BMERB1: variants seen among roughly 807,000 people sequenced by gnomAD.
BMERB1 encodes the protein bMERB domain-containing protein 1.
In BMERB1, 12 loss-of-function variants were observed where a neutral mutation model predicts 23.6. The observed-to-expected ratio is 0.51, with a 90% CI of 0.33 to 0.82. The LOEUF is 0.82. BMERB1 is among the 40% of genes least tolerant of loss of function. The pLI is 0.03. For missense variants in BMERB1, 247 were observed against 255.4 expected (o/e 0.97, Z 0.22); for synonymous variants, 122 against 96.6 (o/e 1.26, Z -1.54).
chr16:15,446,324 G>A (rs905272446), intron 1 of BMERB1, among the ~76,000 whole-genome samples: 3 of 152,166 alleles, frequency 2.0e-5, no homozygotes, highest in African/African-American at 7.2e-5. Context: ...GAGCCCAGGA[G>A]TTTGAGGCTG....
At chr16:15,469,036 C>T (rs1166641938) in intron 1 of BMERB1, among the ~76,000 whole-genome samples, 1 of 149,400 alleles carries the variant, frequency 6.7e-6, no homozygotes, top group East Asian at 2.0e-4. Flanking sequence ...GGTGCAGTCA[C>T]AGCTCACTGC....
intron 1 of BMERB1, among the ~76,000 whole-genome samples, chr16:15,459,731 A>C (rs550761717): frequency 5.3e-5 from 8 of 152,014 alleles, no homozygotes. Context: ...CCTCCTGTCC[A>C]CTCCATTCTA....
At chr16:15,558,926 G>T (rs995426858) in intron 2 of BMERB1, among the ~76,000 whole-genome samples, 5 of 151,360 alleles carry the variant, frequency 3.3e-5, no homozygotes, top group African/African-American at 1.2e-4. Context: ...CTTCCCAGAA[G>T]CCTGCCCAAG....
intron 1 of BMERB1, among the ~76,000 whole-genome samples, chr16:15,477,807 C>T (rs906335187): frequency 3.3e-5 from 5 of 151,030 alleles, no homozygotes; most frequent in Non-Finnish European, 4.4e-5. Flanking sequence ...AATAAGAAAA[C>T]TCAGGCTGCT....
At chr16:15,570,248 A>C (rs1339349174) in intron 3 of BMERB1, among the ~76,000 whole-genome samples, 2 of 152,188 alleles carry the variant, frequency 1.3e-5, no homozygotes, top group Non-Finnish European at 2.9e-5. Flanking sequence ...TGATGAACAG[A>C]GAACGGTTCT....
chr16:15,531,847 G>A (rs1171353103), intron 2 of BMERB1, among the ~76,000 whole-genome samples: 1 of 152,106 alleles, frequency 6.6e-6, no homozygotes, highest in African/African-American at 2.4e-5. Context: ...ATAATGCTTG[G>A]CTGAGCCTCC....
chr16:15,509,137 C>T (rs900694828), intron 1 of BMERB1, among the ~76,000 whole-genome samples: 3 of 152,038 alleles, frequency 2.0e-5, no homozygotes, highest in Admixed American at 6.6e-5. Context: ...TCCCACGCCT[C>T]GCCCCAGGGT....
intron 1 of BMERB1, among the ~76,000 whole-genome samples, chr16:15,483,972 C>G (rs1403747763): frequency 6.6e-6 from 1 of 152,174 alleles, no homozygotes; most frequent in Non-Finnish European, 1.5e-5. Flanking sequence ...GTGCCAGCAT[C>G]TGATTCTGGT....
chr16:15,573,611 C>G (rs1414048633), intron 3 of BMERB1, among the ~76,000 whole-genome samples: 1 of 152,104 alleles, frequency 6.6e-6, no homozygotes, highest in East Asian at 1.9e-4. Flanking sequence ...CAAAATACCT[C>G]AAGCATTGAT....
chr16:15,471,167 A>G (rs909547417), intron 1 of BMERB1, among the ~76,000 whole-genome samples: 1 of 152,072 alleles, frequency 6.6e-6, no homozygotes, highest in Non-Finnish European at 1.5e-5. Flanking sequence ...TCCACAAAAG[A>G]TTGTGTAAAA....
intron 3 of BMERB1, among the ~76,000 whole-genome samples, chr16:15,574,518 G>C (rs1304316280): frequency 6.6e-6 from 1 of 152,046 alleles, no homozygotes; most frequent in African/African-American, 2.4e-5. Context: ...TTGGAGGTTA[G>C]AAGCAAGATG....
chr16:15,487,833 C>T (rs549791255), intron 1 of BMERB1, among the ~76,000 whole-genome samples: 60 of 152,252 alleles, frequency 3.9e-4, no homozygotes, highest in African/African-American at 8.7e-4. Flanking sequence ...ACAGTCCTGG[C>T]GCTGGTGGGC....
At chr16:15,491,077 T>A (rs1028682922) in intron 1 of BMERB1, among the ~76,000 whole-genome samples, 1 of 152,184 alleles carries the variant, frequency 6.6e-6, no homozygotes, top group East Asian at 1.9e-4. Flanking sequence ...CTCGAACTCC[T>A]GAGCTCAAGT....
At chr16:15,438,951 A>G (rs917319663) in intron 1 of BMERB1, among the ~76,000 whole-genome samples, 5 of 152,204 alleles carry the variant, frequency 3.3e-5, no homozygotes, top group African/African-American at 1.2e-4. Context: ...TAACACATGA[A>G]ATGCTGGAGA....
intron 1 of BMERB1, among the ~76,000 whole-genome samples, chr16:15,485,244 A>G (rs924489826): frequency 1.3e-5 from 2 of 152,072 alleles, no homozygotes; most frequent in Non-Finnish European, 2.9e-5. Context: ...CATTCCTCCA[A>G]ATTGCATTCA....
chr16:15,531,622 C>A (rs2051968264), intron 2 of BMERB1, among the ~76,000 whole-genome samples: 2 of 152,148 alleles, frequency 1.3e-5, no homozygotes, highest in African/African-American at 4.8e-5. Context: ...ATAGCTTCAT[C>A]CTGTGCCGGG....
At chr16:15,458,003 C>T (rs758191780) in intron 1 of BMERB1, among the ~76,000 whole-genome samples, 5 of 152,170 alleles carry the variant, frequency 3.3e-5, no homozygotes, top group East Asian at 3.8e-4. Flanking sequence ...CTCACTATCA[C>T]GAGAACAGCA....
At chr16:15,576,444 C>G (rs1293741545) in intron 3 of BMERB1, among the ~76,000 whole-genome samples, 1 of 152,108 alleles carries the variant, frequency 6.6e-6, no homozygotes, top group Non-Finnish European at 1.5e-5. Context: ...CACAATTCTC[C>G]AAGGATTAGT....
intron 2 of BMERB1, among the ~76,000 whole-genome samples, chr16:15,524,128 C>CATTTCAGCCACATTCAGG (rs1301468174): frequency 6.6e-6 from 1 of 152,188 alleles, no homozygotes; most frequent in Non-Finnish European, 1.5e-5. Flanking sequence ...TAACTTGACA[C>CATTTCAGCCACATTCAGG]ATTTCAGCCA....
Sources: gnomAD v4.1 joint callset for allele counts (sites outside exome capture counted in the v4.1 genomes callset) on GRCh38, gnomAD v4.1.1 for gene constraint, MANE v1.5 for transcripts, NCBI Gene and HGNC (gene_info 2026-07-23, HGNC 2026-07-21) for gene names.